SLC4A8: variants seen among roughly 807,000 people sequenced by gnomAD.
SLC4A8 encodes the protein electroneutral sodium bicarbonate exchanger 1.
SLC4A8 carries 40 observed loss-of-function variants against 125.0 expected under a neutral mutation model. The ratio of observed to expected loss-of-function variants is 0.32; its 90% CI spans 0.25 to 0.42. The LOEUF (loss-of-function observed/expected upper bound fraction) is 0.42, where lower values mean the gene tolerates loss of function less well. Among genes scored for constraint, SLC4A8 ranks in the 10% least tolerant of loss-of-function variants. The pLI, the probability that SLC4A8 is intolerant of heterozygous loss-of-function variation, is 1.00. For synonymous variants in SLC4A8, 456 were observed against 476.0 expected (o/e 0.96, Z 0.55); for missense variants, 863 against 1,355.1 (o/e 0.64, Z 5.70).
intron 16 of SLC4A8, among the ~76,000 whole-genome samples, chr12:51,483,284 G>A (rs1262261187): frequency 6.6e-6 from 1 of 151,526 alleles, no homozygotes; most frequent in Admixed American, 6.6e-5. Flanking sequence ...GAGAATATTT[G>A]CCTGTGATGG....
rs1948193561 is a variant in SLC4A8 at position 51,393,261 on chromosome 12, A to C, written c.-112+1773A>C. Among the ~76,000 whole-genome samples, 4 of 152,192 alleles carry C rather than the reference A, an allele frequency of 2.6e-5. 1 individual carries two copies. Among genetic ancestry groups the C allele is most frequent in the Admixed American group, 2.6e-4 (4 of 15,290 alleles). On this transcript the variant is annotated intron_variant, in intron 1 of 24. Coordinates refer to the SLC4A8 transcript ENST00000358657. ...TCCACAGATGCATGCCACCATGCCC[A>C]GCTAACTTTTTTTTGTAGAGAGGGA...
intron 2 of SLC4A8, among the ~76,000 whole-genome samples, chr12:51,444,623 C>T (rs182021638): frequency 6.6e-6 from 1 of 152,250 alleles, no homozygotes; most frequent in East Asian, 1.9e-4. Flanking sequence ...TACTAAGCCC[C>T]TTCTGTAGTC....
chr12:51,480,928 A>G (rs1024325975), intron 16 of SLC4A8, among the ~76,000 whole-genome samples: 2 of 152,172 alleles, frequency 1.3e-5, no homozygotes, highest in Non-Finnish European at 2.9e-5. Context: ...GAACTGCCTT[A>G]CCTGCAGTTC....
intron 9 of SLC4A8, 33 bp downstream of exon 9, chr12:51,461,324 C>CATAAATATTCA: frequency 2.5e-6 from 3 of 1,204,480 alleles, no homozygotes; most frequent in African/African-American, 1.5e-5. Flanking sequence ...TCTTCCATCT[C>CATAAATATTCA]ATAAATATTT....
At position 51,468,260 on chromosome 12, in the gene SLC4A8, AG is replaced by A. The variant is rs552685938; in HGVS notation, c.1350-1350del. The stretch of plus-strand genomic sequence containing the variant: ...TCTGTCTCATCTTTGAGAAGAGGAG[AG>A]GGGCCCTGAAGTCCTGCCACCAAGT... On this transcript the variant is annotated intron_variant, in intron 11 of 24. Coordinates refer to ENST00000453097, the MANE Select transcript of SLC4A8 (RefSeq NM_001039960.3). Among the ~76,000 whole-genome samples, 506 of 152,208 alleles carry A rather than the reference AG, an allele frequency of 3.3e-3. 4 individuals are homozygous for A. The highest frequency in any genetic ancestry group is 6.1e-3 in the Non-Finnish European group (413 of 68,000).
chr12:51,435,001 T>C (rs1565773437), intron 1 of SLC4A8, among the ~76,000 whole-genome samples: 1 of 152,238 alleles, frequency 6.6e-6, no homozygotes, highest in Non-Finnish European at 1.5e-5. Flanking sequence ...CCAGTACCTA[T>C]CCTCCTAGAA....
chr12:51,501,489 G>A (rs530472096), intron 22 of SLC4A8, among the ~76,000 whole-genome samples: 9 of 152,282 alleles, frequency 5.9e-5, no homozygotes, highest in African/African-American at 2.2e-4. Flanking sequence ...ACATAGTTTT[G>A]TTCTCTTTGT....
chr12:51,482,440 A>G (rs894659610), intron 16 of SLC4A8, among the ~76,000 whole-genome samples: 1 of 152,112 alleles, frequency 6.6e-6, no homozygotes, highest in Non-Finnish European at 1.5e-5. Flanking sequence ...GTACAGTGGC[A>G]CAATCTCGGC....
Position 51,508,446 on chromosome 12 carries a change from C to T in SLC4A8, c.*1008C>T, listed in dbSNP as rs995991455. 7 of 152,552 alleles carry T rather than the reference C, an allele frequency of 4.6e-5. No individual in the cohort carries two copies. The highest frequency in any genetic ancestry group is 1.7e-4 in the African/African-American group (7 of 41,420). The allele number at this position is 152,552 out of a possible 1,614,324, so 9.4% of individuals were successfully genotyped here. On this transcript the variant is annotated 3_prime_UTR_variant, in exon 25 of 25. Transcript: ENST00000453097. The stretch of plus-strand genomic sequence containing the variant: ...TTCTTGCTGCTGTCTCTTGAGGATA[C>T]ATTCCAATTCCATCCTGGCGAGATC...
chr12:51,440,885 C>G, intron 2 of SLC4A8, 96 bp downstream of exon 2: 1 of 1,108,816 alleles, frequency 9.0e-7, no homozygotes, highest in Non-Finnish European at 1.3e-6. Context: ...CACTAGCTGT[C>G]AGACCTTGGG....
Position 51,512,445 on chromosome 12 carries a change from A to G in SLC4A8, c.*5007A>G, listed in dbSNP as rs1419783330. On this transcript the variant is annotated 3_prime_UTR_variant, in exon 25 of 25. Coordinates refer to ENST00000453097, the MANE Select transcript of SLC4A8 (RefSeq NM_001039960.3). ...TTTTTCTCAAACAATAGCCAGCCTC[A>G]TTTCTGCTTCATCTCTGTGGTAGGA... is the stretch of plus-strand genomic sequence containing the variant. The G allele has an allele frequency of 2.6e-5, 4 of 151,660 alleles. No individual in the cohort carries two copies. Among genetic ancestry groups the G allele is most frequent in the Non-Finnish European group, 5.9e-5 (4 of 67,896 alleles). The allele number at this position is 151,660 out of a possible 1,614,324, so 9.4% of individuals were successfully genotyped here. A position where few individuals can be genotyped will look rare whatever the true frequency, so the allele number is the denominator to read the frequency against.
intron 1 of SLC4A8, among the ~76,000 whole-genome samples, chr12:51,412,650 T>A (rs964153510): frequency 1.3e-5 from 2 of 152,232 alleles, no homozygotes; most frequent in East Asian, 1.9e-4. Flanking sequence ...TGAACTTTTT[T>A]AAGCTCCCAT....
upstream of SLC4A8, among the ~76,000 whole-genome samples, chr12:51,424,177 G>A (rs1403958623): frequency 6.6e-6 from 1 of 151,090 alleles, no homozygotes; most frequent in Non-Finnish European, 1.5e-5. Flanking sequence ...CAAATTTAAT[G>A]CATTATTCAT....
intron 24 of SLC4A8, among the ~76,000 whole-genome samples, 166 bp from the exon 25 acceptor site, chr12:51,507,260 G>A (rs1487034820): frequency 6.6e-6 from 1 of 152,202 alleles, no homozygotes; most frequent in Non-Finnish European, 1.5e-5. Context: ...GGCAGCTGTC[G>A]AAATGTATAA....
intron 7 of SLC4A8, among the ~76,000 whole-genome samples, chr12:51,459,586 G>A (rs1950258537): frequency 6.6e-6 from 1 of 152,126 alleles, no homozygotes; most frequent in Admixed American, 6.5e-5. Context: ...TTTAGGTGAT[G>A]GGGCCAGGTG....
At chr12:51,398,805 A>C (rs1272736813) in intron 1 of SLC4A8, among the ~76,000 whole-genome samples, 2 of 152,204 alleles carry the variant, frequency 1.3e-5, no homozygotes, top group Non-Finnish European at 2.9e-5. Context: ...TCTGGAGTGC[A>C]GTGGCCTGAT....
At position 51,440,806 on chromosome 12, in the gene SLC4A8, T is replaced by C; in HGVS notation, c.130+17T>C. 6.3e-7 allele frequency: 1 copy of C among 1,595,208 alleles called. No individual in the cohort carries two copies. The highest frequency in any genetic ancestry group is 8.5e-7 in the Non-Finnish European group (1 of 1,172,412). On this transcript the variant is annotated intron_variant, in intron 2 of 24. Coordinates refer to ENST00000453097, the MANE Select transcript of SLC4A8 (RefSeq NM_001039960.3). Reference sequence around the variant, plus strand: ...AGCTGGAAGGTAAGAACTGCCATGCTGTGTGATCAGGGAAATTGGTGAGGG... The same window carrying C: ...AGCTGGAAGGTAAGAACTGCCATGCCGTGTGATCAGGGAAATTGGTGAGGG...
At chr12:51,396,038 G>A (rs577484899) in intron 1 of SLC4A8, among the ~76,000 whole-genome samples, 20 of 152,298 alleles carry the variant, frequency 1.3e-4, no homozygotes, top group African/African-American at 4.3e-4. Context: ...TCACTCATGC[G>A]CTACAATTCA....
chr12:51,405,259 G>A (rs1196837710), intron 1 of SLC4A8, among the ~76,000 whole-genome samples: 1 of 152,208 alleles, frequency 6.6e-6, no homozygotes, highest in Non-Finnish European at 1.5e-5. Flanking sequence ...GAAACTGGAA[G>A]CCTTCCCCCT....
Sources: allele counts gnomAD v4.1 joint callset (sites outside exome capture counted in the v4.1 genomes callset), GRCh38; gene constraint gnomAD v4.1.1; transcripts MANE v1.5; gene names NCBI Gene and HGNC (gene_info 2026-07-23, HGNC 2026-07-21).